DPF3: variants seen among roughly 807,000 people sequenced by gnomAD.
DPF3 encodes the protein zinc finger protein DPF3.
Under a neutral mutation model 56.8 loss-of-function variants are expected in DPF3, and 18 were observed. The observed-to-expected ratio is 0.32, with a 90% CI of 0.22 to 0.47. The LOEUF (loss-of-function observed/expected upper bound fraction) is 0.47. Ranked by LOEUF, DPF3 falls within the 20% of genes least tolerant of loss-of-function variation. The pLI, the probability that DPF3 is intolerant of heterozygous loss-of-function variation, is 1.00. For missense variants in DPF3, 403 were observed against 488.8 expected (o/e 0.82, Z 1.65); for synonymous variants, 188 against 180.2 (o/e 1.04, Z -0.35).
intron 1 of DPF3, chr14:72,879,787 C>T (rs1158857692): frequency 1.3e-6 from 2 of 1,529,482 alleles, no homozygotes; most frequent in Non-Finnish European, 1.7e-6. Flanking sequence ...ACACGTCTCT[C>T]ACACTGAGGT....
At chr14:72,884,272 C>T (rs1489760110) in intron 1 of DPF3, among the ~76,000 whole-genome samples, 1 of 152,160 alleles carries the variant, frequency 6.6e-6, no homozygotes. Context: ...CACTGAGATC[C>T]CAGGGCTATT....
chr14:72,680,427 G>A (rs1887111263), intron 7 of DPF3, among the ~76,000 whole-genome samples: 1 of 152,240 alleles, frequency 6.6e-6, no homozygotes, highest in African/African-American at 2.4e-5. Context: ...GAGGGGCAGG[G>A]GGCCTGGAAG....
At chr14:72,857,976 C>T (rs1271555094) in intron 1 of DPF3, among the ~76,000 whole-genome samples, 4 of 151,986 alleles carry the variant, frequency 2.6e-5, no homozygotes, top group African/African-American at 9.7e-5. Flanking sequence ...AGTCACATAG[C>T]TGCTAAGTCA....
At chr14:72,732,547 G>A (rs1456794787) in intron 3 of DPF3, among the ~76,000 whole-genome samples, 2 of 152,200 alleles carry the variant, frequency 1.3e-5, no homozygotes, top group Non-Finnish European at 2.9e-5. Flanking sequence ...CAAAAGCCAC[G>A]GGAAGAGGAG....
At chr14:72,644,015 C>T in intron 8 of DPF3, among the ~76,000 whole-genome samples, 1 of 152,172 alleles carries the variant, frequency 6.6e-6, no homozygotes, top group East Asian at 1.9e-4. Flanking sequence ...GTCATGAATT[C>T]ACTTTCCAAG....
chr14:72,697,922 G>A (rs942843508), intron 6 of DPF3, among the ~76,000 whole-genome samples: 2 of 152,250 alleles, frequency 1.3e-5, no homozygotes, highest in East Asian at 1.9e-4. Context: ...CTGACACCAC[G>A]TTCTGCCTCC....
At position 72,609,231 on chromosome 14, in the gene DPF3, G is replaced by A. The variant is rs947838798; in HGVS notation, c.*10066C>T. 2.6e-5 allele frequency among the ~76,000 whole-genome samples: 4 copies of A among 152,172 alleles called. No individual in the cohort carries two copies. The highest frequency in any genetic ancestry group is 1.9e-4 in the East Asian group (1 of 5,198). On this transcript the variant is annotated 3_prime_UTR_variant, in exon 11 of 11. Coordinates refer to ENST00000556509, the MANE Select transcript of DPF3 (RefSeq NM_001280542.3). ...TCGAGGGGTCCCAAAGAAGAAGGCT[G>A]CTCGATCCCCACATTCTTCATCTCA...
At chr14:72,803,825 G>A (rs1002841257) in intron 1 of DPF3, among the ~76,000 whole-genome samples, 4 of 152,206 alleles carry the variant, frequency 2.6e-5, no homozygotes, top group Non-Finnish European at 2.9e-5. Context: ...TAACGCAAAA[G>A]GCTCTGAACA....
intron 1 of DPF3, among the ~76,000 whole-genome samples, chr14:72,831,337 G>A (rs1246112337): frequency 6.6e-6 from 1 of 150,994 alleles, no homozygotes; most frequent in Non-Finnish European, 1.5e-5. Context: ...CAAAGCACTG[G>A]TAGCTCTCCC....
intron 8 of DPF3, among the ~76,000 whole-genome samples, chr14:72,659,430 C>T (rs775905453): frequency 5.9e-5 from 9 of 152,256 alleles, no homozygotes; most frequent in East Asian, 1.9e-4. Flanking sequence ...TTATCAGACA[C>T]GTGAAAAAGT....
At chr14:72,641,662 T>C (rs1885568814) in intron 8 of DPF3, among the ~76,000 whole-genome samples, 1 of 152,172 alleles carries the variant, frequency 6.6e-6, no homozygotes, top group African/African-American at 2.4e-5. Flanking sequence ...AACGGAATGG[T>C]GAGGTGAGGA....
intron 5 of DPF3, among the ~76,000 whole-genome samples, chr14:72,715,895 A>T (rs1488505930): frequency 9.7e-6 from 1 of 103,260 alleles, no homozygotes; most frequent in Non-Finnish European, 1.9e-5. Flanking sequence ...CCTCGCCCTC[A>T]TTACTCAGAG....
intron 8 of DPF3, among the ~76,000 whole-genome samples, chr14:72,642,175 C>T (rs1885583499): frequency 6.6e-6 from 1 of 152,212 alleles, no homozygotes; most frequent in Non-Finnish European, 1.5e-5. Context: ...TCATGGGACA[C>T]CCTGTGACAC....
At chr14:72,763,463 A>G (rs192606450) in intron 2 of DPF3, among the ~76,000 whole-genome samples, 3 of 152,276 alleles carry the variant, frequency 2.0e-5, no homozygotes, top group Admixed American at 2.0e-4. Flanking sequence ...GTGGACATCT[A>G]ATTTTTGACA....
At chr14:72,625,678 A>C (rs977766878) in intron 9 of DPF3, among the ~76,000 whole-genome samples, 4 of 152,216 alleles carry the variant, frequency 2.6e-5, no homozygotes, top group Non-Finnish European at 5.9e-5. Flanking sequence ...ACATGCATAC[A>C]TCTCTACTTA....
chr14:72,665,028 G>A (rs1031922602), intron 8 of DPF3, among the ~76,000 whole-genome samples: 4 of 152,080 alleles, frequency 2.6e-5, no homozygotes, highest in Admixed American at 1.3e-4. Context: ...CTTTTTGTTC[G>A]AATATTATCT....
At chr14:72,800,771 T>C (rs1227541022) in intron 1 of DPF3, among the ~76,000 whole-genome samples, 2 of 152,016 alleles carry the variant, frequency 1.3e-5, no homozygotes, top group African/African-American at 2.4e-5. Context: ...GGTGGATGCA[T>C]GAGTGGATGC....
At chr14:72,629,594 T>C (rs1427632141) in intron 9 of DPF3, 30 bp downstream of exon 9, 2 of 1,518,228 alleles carry the variant, frequency 1.3e-6, no homozygotes, top group Admixed American at 3.9e-5. Context: ...TGTGGATTTC[T>C]CCCTCCCACA....
At chr14:72,869,100 T>C (rs1885791642) in intron 1 of DPF3, among the ~76,000 whole-genome samples, 1 of 152,074 alleles carries the variant, frequency 6.6e-6, no homozygotes, top group African/African-American at 2.4e-5. Context: ...CTTCCATGGG[T>C]CCCCCAACAT....
Sources: allele counts gnomAD v4.1 joint callset (sites outside exome capture counted in the v4.1 genomes callset), GRCh38; gene constraint gnomAD v4.1.1; transcripts MANE v1.5; gene names NCBI Gene and HGNC (gene_info 2026-07-23, HGNC 2026-07-21).